SIMC1: variants seen among roughly 807,000 people sequenced by gnomAD.
SIMC1 encodes SUMO interacting motifs containing 1.
SIMC1 carries 55 observed loss-of-function variants against 82.3 expected under a neutral mutation model. The observed-to-expected ratio is 0.67, with a 90% CI of 0.54 to 0.84. SIMC1 has a LOEUF of 0.84. Among genes scored for constraint, SIMC1 ranks in the 40% least tolerant of loss-of-function variants. The pLI, the probability that SIMC1 is intolerant of heterozygous loss-of-function variation, is 0.00. For synonymous variants in SIMC1, 353 were observed against 426.3 expected (o/e 0.83, Z 2.12); for missense variants, 915 against 1,107.2 (o/e 0.83, Z 2.46).
intron 7 of SIMC1, among the ~76,000 whole-genome samples, chr5:176,327,112 T>G (rs1364134466): frequency 6.6e-6 from 1 of 152,136 alleles, no homozygotes; most frequent in Non-Finnish European, 1.5e-5. Flanking sequence ...TATTCATTCA[T>G]GTAAGCCCAG....
chr5:176,260,986 G>A (rs1294612788), intron 1 of SIMC1: 1 of 152,220 alleles, frequency 6.6e-6, no homozygotes, highest in African/African-American at 2.4e-5. Flanking sequence ...ACATACAGCA[G>A]TAGTAACGTT....
At chr5:176,314,438 A>C (rs549859511) in intron 5 of SIMC1, among the ~76,000 whole-genome samples, 1 of 152,320 alleles carries the variant, frequency 6.6e-6, no homozygotes, top group African/African-American at 2.4e-5. Flanking sequence ...CAACCTTGTG[A>C]AATCTAGGGG....
At chr5:176,335,497 C>T (rs1765853281) in intron 7 of SIMC1, among the ~76,000 whole-genome samples, 1 of 151,550 alleles carries the variant, frequency 6.6e-6, no homozygotes, top group African/African-American at 2.4e-5. Context: ...AGACTGGTCT[C>T]GAACTCCTGA....
At chr5:176,306,329 G>A (rs1287961137) in intron 4 of SIMC1, among the ~76,000 whole-genome samples, 2 of 141,856 alleles carry the variant, frequency 1.4e-5, no homozygotes, top group African/African-American at 2.5e-5. Flanking sequence ...CCCCATCCGG[G>A]AGGTGAGGGG....
In SIMC1 at chr5:176,295,075, A is replaced by G. The variant is rs781491969; in HGVS notation, c.1477A>G (p.Met493Val). Reference sequence around the variant, plus strand: ...ACCCATCCCTCATCGAAGACTAAGAATGGTAACAAATACCATTGAAGAGAA... The same window carrying G: ...ACCCATCCCTCATCGAAGACTAAGAGTGGTAACAAATACCATTGAAGAGAA... Reference protein sequence around the residue: ...LEPIPHRRLRMVTNTIEENFP... With the variant: ...LEPIPHRRLRVVTNTIEENFP... Residue 493 changes from methionine (M) to valine (V), a missense_variant, in exon 3 of 10, where the codon ATG becomes GTG. Physicochemically the swap from Met to Val is conservative, Grantham distance 21. Coordinates refer to ENST00000429602, the MANE Select transcript of SIMC1 (RefSeq NM_001308195.2). 2.5e-6 allele frequency: 4 copies of G among 1,613,640 alleles called. No homozygotes were observed. Among genetic ancestry groups the G allele is most frequent in the Non-Finnish European group, 3.4e-6 (4 of 1,179,700 alleles).
intron 7 of SIMC1, among the ~76,000 whole-genome samples, chr5:176,332,458 C>T (rs7378678): frequency 0.73 from 111,520 of 151,842 alleles, 41,113 homozygotes; most frequent in Middle Eastern, 0.84. Flanking sequence ...ACCCGGCTAA[C>T]TTTGCATTTT....
intron 1 of SIMC1, among the ~76,000 whole-genome samples, chr5:176,250,142 G>T (rs1405538111): frequency 6.6e-6 from 1 of 152,136 alleles, no homozygotes; most frequent in Non-Finnish European, 1.5e-5. Context: ...TGGTTTCAAA[G>T]AATTATTTAT....
At chr5:176,330,963 G>A (rs536730315) in intron 7 of SIMC1, among the ~76,000 whole-genome samples, 2 of 152,124 alleles carry the variant, frequency 1.3e-5, no homozygotes, top group Non-Finnish European at 2.9e-5. Flanking sequence ...GATGTCATGT[G>A]CCTTTTTATA....
At chr5:176,330,274 G>A (rs772320431) in intron 7 of SIMC1, among the ~76,000 whole-genome samples, 10 of 151,976 alleles carry the variant, frequency 6.6e-5, no homozygotes, top group African/African-American at 2.4e-4. Flanking sequence ...GGTAGCATAC[G>A]CCTGTTATCT....
chr5:176,298,616 C>T (rs574551183), intron 4 of SIMC1, among the ~76,000 whole-genome samples: 80 of 152,308 alleles, frequency 5.3e-4, no homozygotes, highest in African/African-American at 1.8e-3. Flanking sequence ...CAGAGCAAGA[C>T]TCTGTCTCAA....
At chr5:176,339,877 A>G (rs1766054681) in intron 9 of SIMC1, among the ~76,000 whole-genome samples, 1 of 152,210 alleles carries the variant, frequency 6.6e-6, no homozygotes, top group Admixed American at 6.5e-5. Context: ...AATGGTACCC[A>G]GCAATAGTCA....
At chr5:176,344,861 G>A (rs1766359261) in intron 9 of SIMC1, among the ~76,000 whole-genome samples, 1 of 152,106 alleles carries the variant, frequency 6.6e-6, no homozygotes, top group African/African-American at 2.4e-5. Flanking sequence ...AAATACTATT[G>A]GCTAAAACAT....
intron 9 of SIMC1, 112 bp downstream of exon 9, chr5:176,337,258 T>C (rs1236064408): frequency 4.5e-6 from 4 of 898,178 alleles, no homozygotes; most frequent in African/African-American, 1.7e-5. Context: ...TGGTTGTATG[T>C]AACTTATTAT....
chr5:176,288,325 G>A (rs77798955), intron 1 of SIMC1, among the ~76,000 whole-genome samples: 11 of 151,962 alleles, frequency 7.2e-5, no homozygotes, highest in East Asian at 1.9e-4. Flanking sequence ...GGAGAATCAC[G>A]TGAACCCAGG....
At chr5:176,271,847 C>A in intron 1 of SIMC1, among the ~76,000 whole-genome samples, 1 of 143,412 alleles carries the variant, frequency 7.0e-6, no homozygotes, top group East Asian at 2.0e-4. Flanking sequence ...TCTCATGTAC[C>A]CCATAGATAT....
chr5:176,303,567 G>A (rs111943502), intron 4 of SIMC1, among the ~76,000 whole-genome samples: 17,789 of 152,122 alleles, frequency 0.12, 1,103 homozygotes, highest in Admixed American at 0.15. Flanking sequence ...TGATCCGCCC[G>A]CCTCGGCCTC....
intron 4 of SIMC1, among the ~76,000 whole-genome samples, chr5:176,303,355 TC>T (rs1561708143): frequency 6.8e-6 from 1 of 147,818 alleles, no homozygotes; most frequent in Non-Finnish European, 1.5e-5. Flanking sequence ...GAGACAGAGT[TC>T]AGCTCTTATT....
At chr5:176,269,923 T>C (rs187613272) in intron 1 of SIMC1, among the ~76,000 whole-genome samples, 1 of 152,104 alleles carries the variant, frequency 6.6e-6, no homozygotes, top group East Asian at 1.9e-4. Context: ...TTTATTTTAT[T>C]TTATTTTTTT....
chr5:176,281,978 T>G (rs2113225404), intron 1 of SIMC1, among the ~76,000 whole-genome samples: 1 of 152,336 alleles, frequency 6.6e-6, no homozygotes, highest in South Asian at 2.1e-4. Flanking sequence ...ACAGGGACAT[T>G]TAAGTCTGCA....
Sources: allele counts gnomAD v4.1 joint callset (sites outside exome capture counted in the v4.1 genomes callset), GRCh38; gene constraint gnomAD v4.1.1; transcripts MANE v1.5; gene names NCBI Gene and HGNC (gene_info 2026-07-23, HGNC 2026-07-21).